Variants in MCTP1 observed in about 807,000 individuals in gnomAD.
MCTP1 encodes the protein multiple C2 and transmembrane domain-containing protein 1.
Under a neutral mutation model 120.6 loss-of-function variants are expected in MCTP1, and 69 were observed. The ratio of observed to expected loss-of-function variants is 0.57; its 90% CI spans 0.47 to 0.70. The LOEUF is 0.70. MCTP1 is among the 30% of genes least tolerant of loss of function. MCTP1 has a pLI of 0.00. For missense variants in MCTP1, 1,203 were observed against 1,248.8 expected (o/e 0.96, Z 0.55); for synonymous variants, 529 against 493.1 (o/e 1.07, Z -0.96).
At chr5:95,129,050 T>C (rs1375272297) in intron 1 of MCTP1, among the ~76,000 whole-genome samples, 2 of 152,154 alleles carry the variant, frequency 1.3e-5, no homozygotes, top group East Asian at 1.9e-4. Flanking sequence ...AAATATATAA[T>C]TGCTCAGGTT....
At chr5:95,068,626 A>C (rs1751299092) in intron 1 of MCTP1, among the ~76,000 whole-genome samples, 1 of 152,192 alleles carries the variant, frequency 6.6e-6, no homozygotes, top group Non-Finnish European at 1.5e-5. Flanking sequence ...TCTGTTTTCT[A>C]CTTAGTTCAC....
chr5:95,076,466 A>T (rs776051397), intron 1 of MCTP1, among the ~76,000 whole-genome samples: 20 of 152,170 alleles, frequency 1.3e-4, no homozygotes, highest in Non-Finnish European at 2.5e-4. Context: ...AAAAAAAAAA[A>T]AAAGGAATCC....
intron 19 of MCTP1, among the ~76,000 whole-genome samples, chr5:94,715,691 G>C (rs1450493833): frequency 6.6e-6 from 1 of 152,122 alleles, no homozygotes; most frequent in East Asian, 1.9e-4. Flanking sequence ...TAGACCCAAA[G>C]GAAGAAACAG....
intron 1 of MCTP1, among the ~76,000 whole-genome samples, chr5:95,089,322 T>G (rs1755676009): frequency 6.6e-6 from 1 of 152,140 alleles, no homozygotes; most frequent in Non-Finnish European, 1.5e-5. Flanking sequence ...AAGCACATAT[T>G]CCAGAGTTTA....
chr5:94,735,806 G>A (rs1764100997), intron 19 of MCTP1, among the ~76,000 whole-genome samples: 1 of 151,910 alleles, frequency 6.6e-6, no homozygotes, highest in Non-Finnish European at 1.5e-5. Flanking sequence ...AAATATATCT[G>A]TGCATTATAT....
intron 2 of MCTP1, among the ~76,000 whole-genome samples, chr5:94,968,783 C>T (rs1826152732): frequency 6.6e-6 from 1 of 152,168 alleles, no homozygotes; most frequent in East Asian, 1.9e-4. Flanking sequence ...TTTGAAGTTC[C>T]CAGGCATTTT....
rs115756584 is a variant in MCTP1 at position 95,252,638 on chromosome 5, C to T, written c.720+31218G>A. ...AGCAGAGCTGAGATCTGAACCTACA[C>T]AGTCTGGGTCTAGGATCTACTTTCA... On this transcript the variant is annotated intron_variant, in intron 1 of 22. Coordinates refer to ENST00000515393, the MANE Select transcript of MCTP1 (RefSeq NM_024717.7). 5.1e-3 allele frequency among the ~76,000 whole-genome samples: 781 copies of T among 152,226 alleles called. 7 individuals carry two copies. Among genetic ancestry groups the T allele is most frequent in the African/African-American group, 0.018 (741 of 41,548 alleles).
intron 1 of MCTP1, among the ~76,000 whole-genome samples, chr5:95,103,002 G>GT (rs1653108053): frequency 6.6e-6 from 1 of 152,180 alleles, no homozygotes; most frequent in Non-Finnish European, 1.5e-5. Flanking sequence ...GATGGGAATA[G>GT]TACTCAACTC....
intron 12 of MCTP1, among the ~76,000 whole-genome samples, chr5:94,888,064 A>C (rs537904177): frequency 0.055 from 9 of 164 alleles, no homozygotes; most frequent in South Asian, 0.5. Context: ...GAAACAGTGA[A>C]ATTTGCACAA....
intron 17 of MCTP1, among the ~76,000 whole-genome samples, chr5:94,836,679 G>GT (rs1247765186): frequency 6.6e-6 from 1 of 152,196 alleles, no homozygotes; most frequent in Non-Finnish European, 1.5e-5. Flanking sequence ...ATTGCCCATA[G>GT]TTTTGTCCTA....
chr5:95,130,978 G>A lies in MCTP1; in HGVS notation c.721-113494C>T, dbSNP rs554979483. On this transcript the variant is annotated intron_variant, in intron 1 of 22. Transcript: ENST00000515393. ...TTGTTTGAGGAAAATTCCGGGACAC[G>A]TTTTGGTTTTGTTTTGTTTTAACAA... 2.8e-4 allele frequency among the ~76,000 whole-genome samples: 43 copies of A among 152,220 alleles called. No individual in the cohort carries two copies. In the South Asian group the frequency reaches 6.4e-3, roughly 23 times the overall value.
chr5:94,899,776 C>T (rs1805023060), intron 10 of MCTP1, among the ~76,000 whole-genome samples: 1 of 152,208 alleles, frequency 6.6e-6, no homozygotes, highest in African/African-American at 2.4e-5. Flanking sequence ...AGCTATATCT[C>T]TGAAATACCA....
chr5:94,744,364 T>C (rs1243190761), intron 19 of MCTP1, among the ~76,000 whole-genome samples: 1 of 152,222 alleles, frequency 6.6e-6, no homozygotes, highest in African/African-American at 2.4e-5. Flanking sequence ...ACTTCTAAAA[T>C]GCACAGGGAG....
At chr5:94,736,423 CA>C (rs1348503003) in intron 19 of MCTP1, among the ~76,000 whole-genome samples, 1 of 152,128 alleles carries the variant, frequency 6.6e-6, no homozygotes, top group Non-Finnish European at 1.5e-5. Flanking sequence ...GTCGAGGCTG[CA>C]GTGAGGCGAA....
chr5:94,830,768 CAG>C (rs1411441541), intron 17 of MCTP1, among the ~76,000 whole-genome samples: 2 of 152,182 alleles, frequency 1.3e-5, no homozygotes, highest in South Asian at 2.1e-4. Flanking sequence ...TTCCTCTTGA[CAG>C]AGATTTCTAA....
chr5:95,202,592 T>A (rs1751187798), intron 1 of MCTP1, among the ~76,000 whole-genome samples: 1 of 152,208 alleles, frequency 6.6e-6, no homozygotes, highest in South Asian at 2.1e-4. Context: ...CTTTTCAGAT[T>A]TTCTCTTATT....
Position 94,931,941 on chromosome 5 carries a change from G to A in MCTP1, c.1212+12C>T, listed in dbSNP as rs1473705811. 2.5e-6 allele frequency: 4 copies of A among 1,595,290 alleles called. No homozygotes were observed. Among genetic ancestry groups the A allele is most frequent in the Non-Finnish European group, 1.7e-6 (2 of 1,166,084 alleles). ...AACAAGAAAAGCTGAAAGATCACAA[G>A]CTAAGAATTACCTTACTTGATCTTT... On this transcript the variant is annotated intron_variant, in intron 6 of 22. Coordinates refer to ENST00000515393, the MANE Select transcript of MCTP1 (RefSeq NM_024717.7).
chr5:95,243,954 C>T (rs1756456997), intron 1 of MCTP1, among the ~76,000 whole-genome samples: 1 of 152,192 alleles, frequency 6.6e-6, no homozygotes, highest in Non-Finnish European at 1.5e-5. Context: ...TCCACTGGTG[C>T]CTCGCCTTTC....
At chr5:94,795,603 C>T (rs255344) in intron 18 of MCTP1, among the ~76,000 whole-genome samples, 136,452 of 152,270 alleles carry the variant, frequency 0.9, 61,517 homozygotes, top group African/African-American at 0.96. Flanking sequence ...ATCCCTTTCA[C>T]GCCAGGGACA....
Sources: gnomAD v4.1 joint callset for allele counts (sites outside exome capture counted in the v4.1 genomes callset) on GRCh38, gnomAD v4.1.1 for gene constraint, MANE v1.5 for transcripts, NCBI Gene and HGNC (gene_info 2026-07-23, HGNC 2026-07-21) for gene names.